Variants in BICDL1 observed in about 807,000 individuals in gnomAD.
BICDL1 encodes BICD family like cargo adaptor 1.
A neutral mutation model predicts 76.8 loss-of-function variants in BICDL1; 20 were observed. The observed-to-expected ratio is 0.26, with a 90% CI of 0.18 to 0.38. The LOEUF (loss-of-function observed/expected upper bound fraction) is 0.38, where lower values mean the gene tolerates loss of function less well. Ranked by LOEUF, BICDL1 falls within the 10% of genes least tolerant of loss-of-function variation. The pLI is 1.00. For synonymous variants in BICDL1, 383 were observed against 337.1 expected, an observed-to-expected ratio of 1.14 and a Z score of -1.49; for missense variants, 700 against 798.6, an observed-to-expected ratio of 0.88 and a Z score of 1.49.
At chr12:120,040,931 G>A (rs1952629895) in intron 2 of BICDL1, among the ~76,000 whole-genome samples, 1 of 151,776 alleles carries the variant, frequency 6.6e-6, no homozygotes, top group South Asian at 2.1e-4. Flanking sequence ...ATTTTTAGTA[G>A]AGGAGGGGTT....
At chr12:120,015,979 AG>A (rs1952051943) in intron 2 of BICDL1, among the ~76,000 whole-genome samples, 1 of 152,218 alleles carries the variant, frequency 6.6e-6, no homozygotes, top group African/African-American at 2.4e-5. Flanking sequence ...AGAGTTGTGC[AG>A]CCATCACCAT....
At chr12:120,090,919 C>G in intron 9 of BICDL1, 1 of 1,288,926 alleles carries the variant, frequency 7.8e-7, no homozygotes. Context: ...AGTTTGCTTC[C>G]TCAGGGCTTT....
chr12:120,006,910 T>C (rs1470021304), intron 2 of BICDL1, among the ~76,000 whole-genome samples: 1 of 152,028 alleles, frequency 6.6e-6, no homozygotes, highest in Non-Finnish European at 1.5e-5. Flanking sequence ...GAGGATGGAT[T>C]ATCGGGCTGA....
chr12:120,072,403 A>G (rs1873176066), intron 5 of BICDL1, 108 bp from the exon 6 acceptor site: 3 of 983,008 alleles, frequency 3.1e-6, no homozygotes, highest in African/African-American at 1.6e-5. Flanking sequence ...CCTTTCTTCT[A>G]GAACTGGTGT....
At chr12:120,085,829 T>C (rs1021921421) in intron 8 of BICDL1, among the ~76,000 whole-genome samples, 1 of 135,710 alleles carries the variant, frequency 7.4e-6, no homozygotes, top group African/African-American at 2.8e-5. Flanking sequence ...AAAGGCAGAA[T>C]GAAGATAGAA....
At chr12:120,020,344 G>A (rs948621719) in intron 2 of BICDL1, among the ~76,000 whole-genome samples, 4 of 152,242 alleles carry the variant, frequency 2.6e-5, no homozygotes, top group African/African-American at 9.6e-5. Flanking sequence ...CGGCTGGAGA[G>A]TTGGCTGCAA....
At chr12:120,018,141 G>A (rs534416410) in intron 2 of BICDL1, among the ~76,000 whole-genome samples, 3 of 152,254 alleles carry the variant, frequency 2.0e-5, no homozygotes, top group South Asian at 2.1e-4. Flanking sequence ...CAGCTTTTGC[G>A]CTGGATACCG....
At chr12:120,021,966 T>TA (rs1216722581) in intron 2 of BICDL1, among the ~76,000 whole-genome samples, 1 of 148,152 alleles carries the variant, frequency 6.7e-6, no homozygotes, top group African/African-American at 2.5e-5. Flanking sequence ...AAATAAAATA[T>TA]AAAAAAATAA....
At chr12:119,991,521 T>C (rs1294748239) in intron 1 of BICDL1, among the ~76,000 whole-genome samples, 2 of 152,252 alleles carry the variant, frequency 1.3e-5, no homozygotes, top group East Asian at 3.8e-4. Context: ...AAAAGTCGTT[T>C]GTGAAACCTA....
chr12:120,086,972 G>T (rs1267531004), intron 8 of BICDL1, among the ~76,000 whole-genome samples: 1 of 152,180 alleles, frequency 6.6e-6, no homozygotes, highest in Middle Eastern at 3.2e-3. Context: ...CACCATGCCC[G>T]GCGCTGCGCC....
intron 2 of BICDL1, among the ~76,000 whole-genome samples, chr12:120,048,817 G>A (rs1476378175): frequency 6.6e-6 from 1 of 152,008 alleles, no homozygotes; most frequent in Non-Finnish European, 1.5e-5. Flanking sequence ...TTAAACTTTT[G>A]TTGACATTTT....
intron 7 of BICDL1, among the ~76,000 whole-genome samples, chr12:120,077,213 G>A (rs1017060705): frequency 3.9e-5 from 6 of 152,246 alleles, no homozygotes; most frequent in East Asian, 1.9e-4. Context: ...AAAGGAAAGC[G>A]TAGGTTTAAT....
At chr12:120,010,505 C>CA (rs1032100205) in intron 2 of BICDL1, among the ~76,000 whole-genome samples, 4 of 152,016 alleles carry the variant, frequency 2.6e-5, no homozygotes, top group African/African-American at 9.7e-5. Flanking sequence ...TGGGTGCCAA[C>CA]AAAAAAATCC....
At chr12:120,039,136 A>G (rs1362815708) in intron 2 of BICDL1, among the ~76,000 whole-genome samples, 1 of 151,746 alleles carries the variant, frequency 6.6e-6, no homozygotes, top group Non-Finnish European at 1.5e-5. Flanking sequence ...ATCTCTACTA[A>G]AAATACAAAA....
At chr12:120,061,986 T>G (rs1389278048) in intron 3 of BICDL1, among the ~76,000 whole-genome samples, 160 bp downstream of exon 3, 2 of 152,198 alleles carry the variant, frequency 1.3e-5, no homozygotes, top group Non-Finnish European at 2.9e-5. Context: ...TAGCCTGTTG[T>G]CTGGAAAAAT....
chr12:120,042,735 G>A (rs1379276119), intron 2 of BICDL1, among the ~76,000 whole-genome samples: 6 of 151,718 alleles, frequency 4.0e-5, no homozygotes, highest in African/African-American at 2.4e-5. Flanking sequence ...AACCCGGGAG[G>A]CGAAGGTTGC....
At chr12:120,042,885 T>C (rs768819819) in intron 2 of BICDL1, among the ~76,000 whole-genome samples, 20 of 151,516 alleles carry the variant, frequency 1.3e-4, no homozygotes, top group Admixed American at 5.9e-4. Flanking sequence ...AAACTAGATA[T>C]CAAAGCATTC....
intron 2 of BICDL1, among the ~76,000 whole-genome samples, chr12:120,029,745 C>T (rs1042915098): frequency 4.1e-5 from 6 of 147,372 alleles, no homozygotes; most frequent in African/African-American, 7.6e-5. Context: ...AGCCTCCACC[C>T]GCCGGTTCAA....
At chr12:120,025,740 T>A (rs1214990687) in intron 2 of BICDL1, among the ~76,000 whole-genome samples, 2 of 152,226 alleles carry the variant, frequency 1.3e-5, no homozygotes, top group African/African-American at 4.8e-5. Context: ...CTTCACTGGG[T>A]ATCAGGTATT....
Sources: gnomAD v4.1 joint callset for allele counts (sites outside exome capture counted in the v4.1 genomes callset) on GRCh38, gnomAD v4.1.1 for gene constraint, MANE v1.5 for transcripts, NCBI Gene and HGNC (gene_info 2026-07-23, HGNC 2026-07-21) for gene names.